The following SLC36A1 variants were observed in gnomAD, a reference collection of about 807,000 sequenced individuals.
SLC36A1 encodes the protein proton-coupled amino acid transporter 1.
In SLC36A1, 30 loss-of-function variants were observed where a neutral mutation model predicts 47.5. The observed-to-expected ratio is 0.63, with a 90% CI of 0.47 to 0.86. The LOEUF (loss-of-function observed/expected upper bound fraction) is 0.86. Among genes scored for constraint, SLC36A1 ranks in the 40% least tolerant of loss-of-function variants. The pLI is 0.00. For missense variants in SLC36A1, 517 were observed against 606.0 expected (o/e 0.85, Z 1.54); for synonymous variants, 255 against 249.7 (o/e 1.02, Z -0.20).
At chr5:151,545,211 G>T in the SLC36A1 span, 1 of 1,614,214 alleles carries the variant, frequency 6.2e-7, no homozygotes, top group Non-Finnish European at 8.5e-7. Flanking sequence ...CTGCCCAGTA[G>T]ACATCCTGAT....
chr5:151,349,699 A>AAC, the SLC36A1 span, among the ~76,000 whole-genome samples: 1 of 152,194 alleles, frequency 6.6e-6, no homozygotes, highest in Non-Finnish European at 1.5e-5. Context: ...GAGTGGAGCA[A>AAC]ATGGGATGTA....
At chr5:151,478,155 A>G (rs1758326342) in intron 9 of SLC36A1, among the ~76,000 whole-genome samples, 1 of 152,232 alleles carries the variant, frequency 6.6e-6, no homozygotes, top group Non-Finnish European at 1.5e-5. Context: ...AACATCTTCT[A>G]GATTTTAAAT....
chr5:151,434,378 T>C (rs1561706409), upstream of SLC36A1, among the ~76,000 whole-genome samples: 4 of 152,324 alleles, frequency 2.6e-5, no homozygotes, highest in South Asian at 8.3e-4. Context: ...TTATAATAGT[T>C]GAAATTTAAA....
the SLC36A1 span, among the ~76,000 whole-genome samples, chr5:151,369,290 G>A: frequency 6.6e-6 from 1 of 152,146 alleles, no homozygotes; most frequent in Non-Finnish European, 1.5e-5. Flanking sequence ...TGTTATCAGT[G>A]GACTGGAAGA....
At chr5:151,531,100 G>C in the SLC36A1 span, among the ~76,000 whole-genome samples, 1 of 152,132 alleles carries the variant, frequency 6.6e-6, no homozygotes, top group East Asian at 1.9e-4. The surrounding 1 kb of genome is among the most constrained non-coding windows in gnomAD (Gnocchi z 5.7). Flanking sequence ...AAGTGAGACG[G>C]TTTCCTAGTT....
chr5:151,506,104 G>A, the SLC36A1 span: 3 of 1,506,460 alleles, frequency 2.0e-6, no homozygotes, highest in South Asian at 2.7e-5. Context: ...TACACTGAAA[G>A]GGAACAGCAA....
the SLC36A1 span, chr5:151,544,541 G>A: frequency 8.1e-6 from 13 of 1,613,948 alleles, no homozygotes; most frequent in South Asian, 2.2e-5. Context: ...TCTGGACTCC[G>A]GGCCTGGGTG....
At chr5:151,441,330 T>G (rs962130252) in intron 1 of SLC36A1, among the ~76,000 whole-genome samples, 1 of 152,332 alleles carries the variant, frequency 6.6e-6, no homozygotes, top group Non-Finnish European at 1.5e-5. Context: ...GAGTGCATAC[T>G]CTAAGGCAAA....
At chr5:151,418,621 G>A in the SLC36A1 span, among the ~76,000 whole-genome samples, 5 of 152,190 alleles carry the variant, frequency 3.3e-5, no homozygotes, top group Admixed American at 3.3e-4. Flanking sequence ...CCCAATGTCT[G>A]TACCACCATT....
the SLC36A1 span, among the ~76,000 whole-genome samples, chr5:151,536,626 G>C: frequency 6.6e-6 from 1 of 152,178 alleles, no homozygotes; most frequent in South Asian, 2.1e-4. Flanking sequence ...TACCCTGCAG[G>C]AATCTCTGCT....
intron 9 of SLC36A1, among the ~76,000 whole-genome samples, chr5:151,477,728 T>C (rs1249434170): frequency 2.0e-5 from 3 of 152,252 alleles, no homozygotes; most frequent in African/African-American, 7.2e-5. Context: ...CATATCCATC[T>C]TGTGTCTACT....
chr5:151,553,813 A>C, the SLC36A1 span, among the ~76,000 whole-genome samples: 4 of 152,192 alleles, frequency 2.6e-5, no homozygotes, highest in South Asian at 8.3e-4. Flanking sequence ...TCCTCACAAT[A>C]ACCTTGGAAG....
At chr5:151,386,049 T>G in the SLC36A1 span, among the ~76,000 whole-genome samples, 1 of 151,968 alleles carries the variant, frequency 6.6e-6, no homozygotes, top group African/African-American at 2.4e-5. Flanking sequence ...CTTTTTTTTT[T>G]TGTATTTTTA....
At chr5:151,525,604 C>G in the SLC36A1 span, among the ~76,000 whole-genome samples, 1 of 152,198 alleles carries the variant, frequency 6.6e-6, no homozygotes. Flanking sequence ...TATACCTGCC[C>G]TGAGTGTTAT....
rs1760126633 is a variant in SLC36A1 at position 151,491,620 on chromosome 5, A to G, written c.*3366A>G. ...CAAAAATCTCAATTTGTGTCTGTTT[A>G]CAGCTCTCTCTCCTCACTGCTCACA... On this transcript the variant is annotated 3_prime_UTR_variant, in exon 11 of 11. Transcript: ENST00000243389. The G allele has an allele frequency of 6.6e-6, 1 of 152,554 alleles. No homozygotes were observed. The highest frequency in any genetic ancestry group is 1.5e-5 in the Non-Finnish European group (1 of 68,026). The allele number at this position is 152,554 out of a possible 1,614,324, so 9.5% of individuals were successfully genotyped here.
the SLC36A1 span, chr5:151,532,098 A>G: frequency 4.0e-6 from 5 of 1,235,198 alleles, no homozygotes; most frequent in African/African-American, 3.0e-5. Context: ...TGGCTTGGGT[A>G]TATGAAGAGT....
chr5:151,485,798 T>A (rs1759435947), intron 10 of SLC36A1, among the ~76,000 whole-genome samples: 2 of 152,190 alleles, frequency 1.3e-5, no homozygotes, highest in Admixed American at 1.3e-4. Context: ...GTAATGGAAA[T>A]GAATGGAAAT....
At chr5:151,529,710 C>A in the SLC36A1 span, among the ~76,000 whole-genome samples, 1 of 152,198 alleles carries the variant, frequency 6.6e-6, no homozygotes, top group Non-Finnish European at 1.5e-5. Flanking sequence ...GGAGCAGGGA[C>A]AATTATGATT....
chr5:151,533,393 AAC>A, the SLC36A1 span, among the ~76,000 whole-genome samples: 26,408 of 131,940 alleles, frequency 0.2, 2,376 homozygotes, highest in South Asian at 0.22. Flanking sequence ...TGTTATCTCC[AAC>A]ACACACACAC....
Sources: allele counts gnomAD v4.1 joint callset (sites outside exome capture counted in the v4.1 genomes callset), GRCh38; gene constraint gnomAD v4.1.1; non-coding constraint Gnocchi (gnomAD v3.1); transcripts MANE v1.5; gene names NCBI Gene and HGNC (gene_info 2026-07-23, HGNC 2026-07-21).